SPAG1: variants seen among roughly 807,000 people sequenced by gnomAD.
SPAG1 encodes the protein sperm-associated antigen 1.
A neutral mutation model predicts 100.5 loss-of-function variants in SPAG1; 69 were observed. That is an observed-to-expected ratio of 0.69 (90% CI 0.57 to 0.84). SPAG1 has a LOEUF of 0.84. Ranked by LOEUF, SPAG1 falls within the 40% of genes least tolerant of loss-of-function variation. The pLI is 0.00. For synonymous variants in SPAG1, 336 were observed against 411.6 expected, an observed-to-expected ratio of 0.82 and a Z score of 2.22; for missense variants, 955 against 1,133.1, an observed-to-expected ratio of 0.84 and a Z score of 2.26.
In SPAG1 at chr8:100,239,137, G is replaced by GCACA; in HGVS notation, c.2116-100_2116-97dup. On this transcript the variant is annotated intron_variant, in intron 16 of 18. Coordinates refer to ENST00000388798, the MANE Select transcript of SPAG1 (RefSeq NM_003114.5). The surrounding 1 kb of genome is among the most constrained non-coding windows in gnomAD (Gnocchi z 5.0). ...TAAGAGTGGTATTAATGTGGACCCT[G>GCACA]CACACATACTGCACAGCTCACTACA... 2 of 647,562 alleles carry GCACA rather than the reference G, an allele frequency of 3.1e-6. No homozygotes were observed. The highest frequency in any genetic ancestry group is 5.3e-6 in the Non-Finnish European group (2 of 380,908). The allele number at this position is 647,562 out of a possible 1,614,324, so 40.1% of individuals were successfully genotyped here.
intron 3 of SPAG1, 141 bp from the exon 4 acceptor site, chr8:100,177,675 A>C: frequency 2.3e-6 from 1 of 436,094 alleles, no homozygotes; most frequent in Non-Finnish European, 3.9e-6. Context: ...AAATTTTTCC[A>C]ATATTTTTAC....
At chr8:100,227,439 A>C (rs1265201021) in intron 14 of SPAG1, among the ~76,000 whole-genome samples, 1 of 152,044 alleles carries the variant, frequency 6.6e-6, no homozygotes, top group Non-Finnish European at 1.5e-5. Flanking sequence ...CTAGTGTTGG[A>C]CCCTCATTTT....
At chr8:100,182,731 A>AAG (rs1232238623) in intron 4 of SPAG1, among the ~76,000 whole-genome samples, 3 of 152,204 alleles carry the variant, frequency 2.0e-5, no homozygotes, top group African/African-American at 7.2e-5. Context: ...TAGGTTTGAA[A>AAG]AGAATGAATC....
intron 12 of SPAG1, among the ~76,000 whole-genome samples, chr8:100,216,931 CTTTTTTTTTTTTTT>C (rs141365826): frequency 7.1e-5 from 6 of 84,152 alleles, no homozygotes; most frequent in South Asian, 9.0e-4. Flanking sequence ...TCCATGAGTT[CTTTTTTTTTTTTTT>C]TTTTTTTTTG....
chr8:100,220,238 T>A, intron 12 of SPAG1, 41 bp from the exon 13 acceptor site: 1 of 1,567,708 alleles, frequency 6.4e-7, no homozygotes. Flanking sequence ...GAAAGAGCAT[T>A]TTTCAAAACA....
intron 10 of SPAG1, among the ~76,000 whole-genome samples, chr8:100,212,605 A>C (rs1817761027): frequency 6.6e-6 from 1 of 152,242 alleles, no homozygotes; most frequent in Admixed American, 6.5e-5. Flanking sequence ...ATTCACTTTT[A>C]AAATGACTTA....
chr8:100,194,570 C>A, intron 10 of SPAG1: 1 of 512,948 alleles, frequency 1.9e-6, no homozygotes, highest in Non-Finnish European at 3.4e-6. Context: ...CTTTAAATAT[C>A]TCTCTTTGAT....
Position 100,211,608 on chromosome 8 carries a change from G to A in SPAG1, c.1097-1482G>A, listed in dbSNP as rs138070616. Among the ~76,000 whole-genome samples the A allele has an allele frequency of 5.0e-3, 765 of 152,296 alleles. 6 individuals carry two copies. Among genetic ancestry groups the A allele is most frequent in the African/African-American group, 0.018 (730 of 41,558 alleles). On this transcript the variant is annotated intron_variant, in intron 10 of 18. Coordinates refer to ENST00000388798, the MANE Select transcript of SPAG1 (RefSeq NM_003114.5). ...AGAGGTTGAGGCTGCAGTGAGCTATGATGGCACCATTGCACTCCACCCTGG... is the reference window on the plus strand; with the variant it reads ...AGAGGTTGAGGCTGCAGTGAGCTATAATGGCACCATTGCACTCCACCCTGG...
At chr8:100,217,819 A>G (rs920056512) in intron 12 of SPAG1, among the ~76,000 whole-genome samples, 5 of 151,764 alleles carry the variant, frequency 3.3e-5, no homozygotes, top group Admixed American at 6.6e-5. Context: ...GTCTCACTCT[A>G]TCACCCAGGT....
At chr8:100,240,798 G>A in intron 18 of SPAG1, 27 bp downstream of exon 18, 3 of 1,565,444 alleles carry the variant, frequency 1.9e-6, no homozygotes, top group Non-Finnish European at 2.6e-6. Flanking sequence ...TTTATTAGTA[G>A]AAATTGGTTT....
intron 3 of SPAG1, among the ~76,000 whole-genome samples, chr8:100,173,166 G>A (rs899961911): frequency 2.0e-5 from 3 of 148,340 alleles, no homozygotes; most frequent in African/African-American, 7.5e-5. Flanking sequence ...ATTCTCCCAA[G>A]TAGCTGGGAT....
intron 12 of SPAG1, among the ~76,000 whole-genome samples, chr8:100,215,104 G>C (rs983493997): frequency 7.9e-5 from 11 of 138,896 alleles, no homozygotes; most frequent in Admixed American, 2.3e-4. Context: ...TAGAACACTA[G>C]AACATGTGCC....
chr8:100,169,788 A>T (rs141942064), intron 3 of SPAG1, among the ~76,000 whole-genome samples: 1 of 152,116 alleles, frequency 6.6e-6, no homozygotes, highest in African/African-American at 2.4e-5. Context: ...GACTCTTTCA[A>T]TTCTGTTTCA....
chr8:100,197,130 C>G (rs1181554028), intron 10 of SPAG1, among the ~76,000 whole-genome samples: 1 of 151,882 alleles, frequency 6.6e-6, no homozygotes, highest in African/African-American at 2.4e-5. Flanking sequence ...CAAATATAAG[C>G]AGTGGATGCT....
At chr8:100,227,468 G>A (rs1818565663) in intron 14 of SPAG1, among the ~76,000 whole-genome samples, 1 of 152,144 alleles carries the variant, frequency 6.6e-6, no homozygotes, top group African/African-American at 2.4e-5. Context: ...CCAAGAAAGA[G>A]CAGACAGGGA....
intron 7 of SPAG1, among the ~76,000 whole-genome samples, chr8:100,186,136 G>C (rs1164611555): frequency 7.4e-6 from 1 of 134,866 alleles, no homozygotes; most frequent in African/African-American, 2.8e-5. Flanking sequence ...TGTGATCATA[G>C]CTCGCTGCAG....
At chr8:100,166,665 T>C (rs7818644) in intron 3 of SPAG1, among the ~76,000 whole-genome samples, 4,875 of 152,216 alleles carry the variant, frequency 0.032, 270 homozygotes, top group African/African-American at 0.11. Flanking sequence ...TCCCAGCACT[T>C]TGGGAGGCTG....
At chr8:100,186,127 G>A (rs796460543) in intron 7 of SPAG1, among the ~76,000 whole-genome samples, 2 of 139,422 alleles carry the variant, frequency 1.4e-5, no homozygotes, top group African/African-American at 5.5e-5. Context: ...GTGCAGTGGT[G>A]TGATCATAGC....
intron 16 of SPAG1, among the ~76,000 whole-genome samples, chr8:100,237,082 G>T (rs1659269301): frequency 2.0e-5 from 3 of 151,970 alleles, no homozygotes; most frequent in Admixed American, 6.6e-5. Context: ...GTTATTGTTT[G>T]TTATTTGTTT....
Sources: gnomAD v4.1 joint callset for allele counts (sites outside exome capture counted in the v4.1 genomes callset) on GRCh38, gnomAD v4.1.1 for gene constraint, Gnocchi (gnomAD v3.1) non-coding constraint, MANE v1.5 for transcripts, NCBI Gene and HGNC (gene_info 2026-07-23, HGNC 2026-07-21) for gene names.